DEPDC5: variants seen among roughly 807,000 people sequenced by gnomAD.
DEPDC5 encodes DEP domain containing 5, GATOR1 subcomplex subunit.
In DEPDC5, 73 loss-of-function variants were observed where a neutral mutation model predicts 217.3. The ratio of observed to expected loss-of-function variants is 0.34; its 90% confidence interval spans 0.28 to 0.41. DEPDC5 has a LOEUF of 0.41. Among genes scored for constraint, DEPDC5 ranks in the 10% least tolerant of loss-of-function variants. The pLI, the probability that DEPDC5 is intolerant of heterozygous loss-of-function variation, is 1.00. For synonymous variants in DEPDC5, 733 were observed against 756.7 expected (o/e 0.97, Z 0.51); for missense variants, 1,675 against 2,070.1 (o/e 0.81, Z 3.70).
At chr22:31,877,989 C>T (rs1419970561) in intron 37 of DEPDC5, among the ~76,000 whole-genome samples, 1 of 151,802 alleles carries the variant, frequency 6.6e-6, no homozygotes, top group African/African-American at 2.4e-5. Flanking sequence ...AGATCGAGAC[C>T]ATCCTGGTCA....
chr22:31,899,827 C>T (rs2093617119), intron 40 of DEPDC5, among the ~76,000 whole-genome samples: 3 of 152,142 alleles, frequency 2.0e-5, no homozygotes, highest in Admixed American at 1.3e-4. Flanking sequence ...GCCTCAGCAC[C>T]TCCTCCCTGA....
intron 26 of DEPDC5, 174 bp downstream of exon 26, chr22:31,837,329 A>C: frequency 6.1e-6 from 4 of 655,688 alleles, no homozygotes; most frequent in Non-Finnish European, 9.8e-6. Context: ...AAAACATTGA[A>C]TTGTATTTTA....
At chr22:31,864,387 G>A (rs1269371840) in intron 33 of DEPDC5, among the ~76,000 whole-genome samples, 1 of 146,776 alleles carries the variant, frequency 6.8e-6, no homozygotes, top group East Asian at 2.1e-4. Flanking sequence ...ATTACAGGCA[G>A]GAGCCACCAC....
intron 10 of DEPDC5, among the ~76,000 whole-genome samples, chr22:31,788,581 AT>A (rs537072916): frequency 2.9e-4 from 41 of 142,022 alleles, no homozygotes; most frequent in African/African-American, 9.4e-4. Flanking sequence ...CCTAGCCCAT[AT>A]TTTTTTTTGA....
rs117060288 is a variant in DEPDC5 at position 31,780,554 on chromosome 22, C to T, written c.483+2386C>T. Among the ~76,000 whole-genome samples the T allele has an allele frequency of 4.9e-3, 749 of 152,282 alleles. 19 individuals carry two copies. The East Asian group carries it at 0.051, about 10-fold the overall frequency. ...TGTTCCCCAACATGCCACCTTCTCT[C>T]TTGCCACCATGTCTTCGCACATGCT... On this transcript the variant is annotated intron_variant, in intron 8 of 42. Coordinates refer to ENST00000651528, the MANE Select transcript of DEPDC5 (RefSeq NM_001242896.3).
intron 5 of DEPDC5, 89 bp from the exon 6 acceptor site, chr22:31,766,496 A>C: frequency 7.6e-7 from 1 of 1,322,074 alleles, no homozygotes; most frequent in Non-Finnish European, 1.1e-6. Context: ...TTTTGCAATA[A>C]GTTTTTTTCC....
chr22:31,903,340 C>T (rs1230865259), intron 41 of DEPDC5, among the ~76,000 whole-genome samples: 1 of 67,192 alleles, frequency 1.5e-5, no homozygotes, highest in African/African-American at 6.0e-5. Context: ...CGTAAACCCC[C>T]GCCTTCCACA....
In DEPDC5 at chr22:31,775,211, C is replaced by T. The variant is rs112776572; in HGVS notation, c.414-2888C>T. On this transcript the variant is annotated intron_variant, in intron 7 of 42. Transcript: ENST00000651528. The stretch of plus-strand genomic sequence containing the variant: ...TTTTTTTTTTTGAGACAGAGTTTTA[C>T]TCTTGTTGCCCAGGCTGGAGTGCAA... Among the ~76,000 whole-genome samples the T allele has an allele frequency of 8.7e-3, 1,316 of 151,018 alleles. 17 individuals carry two copies. Among genetic ancestry groups the T allele is most frequent in the African/African-American group, 0.029 (1,204 of 41,136 alleles).
intron 18 of DEPDC5, among the ~76,000 whole-genome samples, chr22:31,807,258 A>G (rs968922410): frequency 6.6e-6 from 1 of 152,172 alleles, no homozygotes; most frequent in African/African-American, 2.4e-5. Context: ...CATGCGATGT[A>G]AGGAAATAAT....
At chr22:31,798,050 A>G (rs2086456547) in intron 13 of DEPDC5, among the ~76,000 whole-genome samples, 3 of 151,896 alleles carry the variant, frequency 2.0e-5, no homozygotes, top group South Asian at 4.1e-4. Flanking sequence ...CCTCCCGGGT[A>G]GCTAGGACGA....
chr22:31,786,249 C>A (rs1189230453), intron 10 of DEPDC5, among the ~76,000 whole-genome samples: 5 of 149,970 alleles, frequency 3.3e-5, no homozygotes, highest in Non-Finnish European at 7.4e-5. Flanking sequence ...GAGTGAGACT[C>A]CATCTCATAA....
At chr22:31,892,449 C>T (rs771584354) in intron 38 of DEPDC5, among the ~76,000 whole-genome samples, 18 of 152,072 alleles carry the variant, frequency 1.2e-4, no homozygotes, top group Non-Finnish European at 5.9e-5. Flanking sequence ...TTTGAGAGGC[C>T]GAGGCGGGTG....
intron 25 of DEPDC5, chr22:31,836,743 C>T (rs947040362): frequency 8.0e-6 from 4 of 501,502 alleles, no homozygotes; most frequent in African/African-American, 2.0e-5. Flanking sequence ...AGCTGTGAAT[C>T]CCATTTGCAT....
At chr22:31,827,352 G>T (rs2090235274) in intron 24 of DEPDC5, among the ~76,000 whole-genome samples, 1 of 152,030 alleles carries the variant, frequency 6.6e-6, no homozygotes, top group Non-Finnish European at 1.5e-5. Flanking sequence ...CCATATATCG[G>T]ACATTAATTT....
chr22:31,758,725 C>T (rs986504703), intron 3 of DEPDC5, 92 bp downstream of exon 3: 2 of 1,255,426 alleles, frequency 1.6e-6, no homozygotes, highest in Non-Finnish European at 2.3e-6. Flanking sequence ...TCAAAATGCT[C>T]ATGCTGTGAT....
chr22:31,767,365 G>A (rs573923566), intron 6 of DEPDC5, among the ~76,000 whole-genome samples: 3 of 151,508 alleles, frequency 2.0e-5, no homozygotes, highest in South Asian at 2.1e-4. Context: ...GCGTGATCTC[G>A]GCTCACCACA....
chr22:31,897,200 ACT>A (rs1444459720), intron 39 of DEPDC5, among the ~76,000 whole-genome samples: 1 of 152,128 alleles, frequency 6.6e-6, no homozygotes, highest in African/African-American at 2.4e-5. Flanking sequence ...AAGGATTTCA[ACT>A]CTCTGCAGAC....
In DEPDC5 at chr22:31,792,026, T is replaced by C. The variant is rs1276867202; in HGVS notation, c.625-7T>C. ...CTTCAACCCTGTTGTTCTCTACTCA[T>C]GCTTAGGAGAAGAACTGTAGTCATG... On this transcript the variant is annotated splice_polypyrimidine_tract_variant and splice_region_variant and intron_variant, in intron 10 of 42. Coordinates refer to ENST00000651528, the MANE Select transcript of DEPDC5 (RefSeq NM_001242896.3). 1 of 1,606,462 alleles carries C rather than the reference T, an allele frequency of 6.2e-7. No homozygotes were observed. Among genetic ancestry groups the C allele is most frequent in the Admixed American group, 1.7e-5 (1 of 59,816 alleles).
chr22:31,868,076 C>T (rs182473050), intron 33 of DEPDC5, among the ~76,000 whole-genome samples: 2 of 152,302 alleles, frequency 1.3e-5, no homozygotes, highest in Admixed American at 1.3e-4. Flanking sequence ...CAAGCTGTCT[C>T]TTGCTGCATT....
Sources: allele counts gnomAD v4.1 joint callset (sites outside exome capture counted in the v4.1 genomes callset), GRCh38; gene constraint gnomAD v4.1.1; transcripts MANE v1.5; gene names NCBI Gene and HGNC (gene_info 2026-07-23, HGNC 2026-07-21).